Variants in RGSL1 observed in about 807,000 individuals in gnomAD.
RGSL1 encodes regulator of G protein signaling like 1.
In RGSL1, 97 loss-of-function variants were observed where a neutral mutation model predicts 124.7. That is an observed-to-expected ratio of 0.78 (90% CI 0.66 to 0.92). RGSL1 has a LOEUF of 0.92. RGSL1 is among the 40% of genes least tolerant of loss of function. RGSL1 has a pLI of 0.00. For missense variants in RGSL1, 1,233 were observed against 1,288.4 expected (o/e 0.96, Z 0.66); for synonymous variants, 424 against 438.1 (o/e 0.97, Z 0.40).
At chr1:182,552,182 C>T (rs1024645463) in intron 18 of RGSL1, among the ~76,000 whole-genome samples, 6 of 151,540 alleles carry the variant, frequency 4.0e-5, no homozygotes, top group African/African-American at 1.5e-4. Context: ...GGCGCAATCT[C>T]GGCTCACTGC....
At chr1:182,495,303 G>A (rs1380666581) in intron 9 of RGSL1, among the ~76,000 whole-genome samples, 1 of 152,144 alleles carries the variant, frequency 6.6e-6, no homozygotes, top group African/African-American at 2.4e-5. Flanking sequence ...ACAGAGACTT[G>A]CTGGCATCAA....
chr1:182,553,184 A>G (rs1660670356), intron 18 of RGSL1, among the ~76,000 whole-genome samples: 1 of 152,176 alleles, frequency 6.6e-6, no homozygotes, highest in African/African-American at 2.4e-5. Flanking sequence ...GATTACAGGC[A>G]TGAGCCACTG....
chr1:182,477,032 T>C (rs567367659), intron 6 of RGSL1, among the ~76,000 whole-genome samples: 38 of 152,314 alleles, frequency 2.5e-4, no homozygotes, highest in Non-Finnish European at 5.1e-4. Context: ...ATCAGCAATA[T>C]GGTGAAATAG....
At position 182,522,110 on chromosome 1, in the gene RGSL1, G is replaced by A. The variant is rs1658391341; in HGVS notation, c.1931+1G>A. 2 of 1,541,166 alleles carry A rather than the reference G, an allele frequency of 1.3e-6. No homozygotes were observed. The stretch of plus-strand genomic sequence containing the variant: ...TAAGGAAGCCATCAATGAGACCCAG[G>A]TGAGATATAGAATCTGTTTACAGCA... On this transcript the variant is annotated splice_donor_variant, in intron 10 of 21. Transcript: ENST00000294854. LOFTEE classifies it high-confidence loss of function.
intron 9 of RGSL1, among the ~76,000 whole-genome samples, chr1:182,496,856 A>G (rs935401410): frequency 1.3e-5 from 2 of 150,478 alleles, no homozygotes; most frequent in Non-Finnish European, 3.0e-5. Context: ...GAGGATGTCC[A>G]AATATGCACC....
At chr1:182,532,046 T>C (rs879447658) in intron 13 of RGSL1, among the ~76,000 whole-genome samples, 8 of 152,204 alleles carry the variant, frequency 5.3e-5, no homozygotes, top group Non-Finnish European at 1.0e-4. Flanking sequence ...TCCCTCTCTG[T>C]AGACTGAGAC....
intron 6 of RGSL1, 125 bp from the exon 7 acceptor site, chr1:182,488,160 A>G (rs1343686551): frequency 1.1e-6 from 1 of 876,740 alleles, no homozygotes; most frequent in Non-Finnish European, 1.8e-6. Context: ...TTGCTGTTCC[A>G]TTAGATCTCC....
chr1:182,495,350 T>C (rs541966839), intron 9 of RGSL1, among the ~76,000 whole-genome samples: 1 of 152,314 alleles, frequency 6.6e-6, no homozygotes, highest in African/African-American at 2.4e-5. Context: ...GGTTGTTTAG[T>C]GCCTCTTTCA....
At chr1:182,471,386 G>C (rs1407397775) in intron 4 of RGSL1, 1 of 457,310 alleles carries the variant, frequency 2.2e-6, no homozygotes, top group East Asian at 6.9e-5. Context: ...AGGCAGTGCA[G>C]GTGGGTTCTT....
At chr1:182,528,259 C>T (rs965332307) in intron 11 of RGSL1, among the ~76,000 whole-genome samples, 3 of 152,078 alleles carry the variant, frequency 2.0e-5, no homozygotes, top group Admixed American at 1.3e-4. Context: ...TGGTCCTGCC[C>T]GTGACACATG....
At chr1:182,551,075 T>G (rs1356138631) in intron 17 of RGSL1, 25 bp from the exon 18 acceptor site, 1 of 1,516,976 alleles carries the variant, frequency 6.6e-7, no homozygotes, top group Admixed American at 2.0e-5. Flanking sequence ...TTCCCTCCTA[T>G]GACCAGAAGC....
chr1:182,486,553 GC>G (rs1655111487), intron 6 of RGSL1, among the ~76,000 whole-genome samples: 1 of 151,870 alleles, frequency 6.6e-6, no homozygotes, highest in South Asian at 2.1e-4. Flanking sequence ...TCACCATGTT[GC>G]CCAGGCTGGT....
chr1:182,547,395 T>C (rs1660278399), intron 15 of RGSL1, among the ~76,000 whole-genome samples: 1 of 152,014 alleles, frequency 6.6e-6, no homozygotes, highest in Non-Finnish European at 1.5e-5. Context: ...GGGGAGGTAA[T>C]GGAGGAGCAG....
At chr1:182,455,263 A>C (rs1652205038) in intron 2 of RGSL1, among the ~76,000 whole-genome samples, 1 of 152,152 alleles carries the variant, frequency 6.6e-6, no homozygotes, top group Non-Finnish European at 1.5e-5. Flanking sequence ...TGGAAGCAGA[A>C]GGTGAGGAGG....
chr1:182,539,274 CTT>C (rs3028795), intron 14 of RGSL1, among the ~76,000 whole-genome samples: 14,733 of 152,128 alleles, frequency 0.097, 962 homozygotes, highest in Non-Finnish European at 0.13. Flanking sequence ...GTTATCTAGA[CTT>C]TTTTTCCCTT....
chr1:182,496,227 T>C (rs1222185654), intron 9 of RGSL1, among the ~76,000 whole-genome samples: 2 of 152,062 alleles, frequency 1.3e-5, no homozygotes, highest in Non-Finnish European at 2.9e-5. Context: ...TCATGAGAAC[T>C]CACTCATGAT....
At chr1:182,526,624 T>C (rs775160514) in intron 10 of RGSL1, among the ~76,000 whole-genome samples, 18 of 152,160 alleles carry the variant, frequency 1.2e-4, no homozygotes, top group Non-Finnish European at 2.2e-4. Flanking sequence ...GTGAGCTGTG[T>C]TCGTGTCACT....
intron 17 of RGSL1, chr1:182,549,059 C>A (rs989318480): frequency 4.7e-6 from 2 of 429,830 alleles, no homozygotes; most frequent in Admixed American, 4.1e-5. Flanking sequence ...GGTTTCCCAC[C>A]CCTCCTCTTT....
At chr1:182,555,969 C>T in intron 20 of RGSL1, 55 bp from the exon 21 acceptor site, 1 of 1,467,462 alleles carries the variant, frequency 6.8e-7, no homozygotes, top group Non-Finnish European at 9.3e-7. Flanking sequence ...ACAGAGAATG[C>T]AACCTCAATT....
Sources: gnomAD v4.1 joint callset for allele counts (sites outside exome capture counted in the v4.1 genomes callset) on GRCh38, gnomAD v4.1.1 for gene constraint, MANE v1.5 for transcripts, NCBI Gene and HGNC (gene_info 2026-07-23, HGNC 2026-07-21) for gene names.